Variants in PFKM observed in about 807,000 individuals in gnomAD.
The protein encoded by PFKM is ATP-dependent 6-phosphofructokinase, muscle type.
In PFKM, 58 loss-of-function variants were observed where a neutral mutation model predicts 95.5. The ratio of observed to expected loss-of-function variants is 0.61; its 90% CI spans 0.49 to 0.76. The LOEUF is 0.76. Ranked by LOEUF, PFKM falls within the 30% of genes least tolerant of loss-of-function variation. The pLI is 0.00. For missense variants in PFKM, 678 were observed against 1,005.4 expected (o/e 0.67, Z 4.40); for synonymous variants, 336 against 357.2 (o/e 0.94, Z 0.67).
intron 1 of PFKM, among the ~76,000 whole-genome samples, chr12:48,121,109 T>G (rs576469415): frequency 4.9e-4 from 74 of 152,250 alleles, no homozygotes; most frequent in African/African-American, 1.8e-3. Flanking sequence ...CAACATGTGG[T>G]TAGAGGAAGT....
rs1951005657 is a variant in PFKM at position 48,145,869 on chromosome 12, C to CA, written c.*162dup. 6 of 714,706 alleles carry CA rather than the reference C, an allele frequency of 8.4e-6. No homozygotes were observed. Among genetic ancestry groups the CA allele is most frequent in the Non-Finnish European group, 1.2e-5 (5 of 422,972 alleles). The allele number at this position is 714,706 out of a possible 1,614,324, so 44.3% of individuals were successfully genotyped here. A position where few individuals can be genotyped will look rare whatever the true frequency, so the allele number is the denominator to read the frequency against. On this transcript the variant is annotated 3_prime_UTR_variant, in exon 23 of 23. Coordinates refer to ENST00000359794, the MANE Select transcript of PFKM (RefSeq NM_000289.6). This position sits in a 1 kb window ranked among gnomAD's most constrained non-coding sequence, Gnocchi z 4.3. ...TCTGGCCAGGAGCTGGAGGAGCAGG[C>CA]AGTGGGTGGGAGCTCCTTTTAGGTA... is the stretch of plus-strand genomic sequence containing the variant.
At chr12:48,140,934 C>T (rs1950530491) in intron 14 of PFKM, 63 bp downstream of exon 14, 2 of 1,559,014 alleles carry the variant, frequency 1.3e-6, no homozygotes, top group African/African-American at 1.4e-5. Flanking sequence ...CAAGAATGAC[C>T]TGTCCATTCT....
chr12:48,142,237 C>T, intron 17 of PFKM, 171 bp downstream of exon 17: 1 of 715,468 alleles, frequency 1.4e-6, no homozygotes, highest in Admixed American at 2.1e-5. Flanking sequence ...CTTTGGGAGG[C>T]CAAGGCAGGC....
intron 17 of PFKM, chr12:48,142,336 G>C (rs1423941136): frequency 6.4e-6 from 3 of 472,326 alleles, no homozygotes; most frequent in Middle Eastern, 6.2e-4. Flanking sequence ...AGCTGGGTGT[G>C]GTGGTAGGCG....
rs1405236956 is a variant in PFKM at position 48,144,177 on chromosome 12, C to CA, written c.1992+21dup. ...CAGCAGGTAGGGAAGACACCGTAGT[C>CA]ATGCCCTTCATCAGACAGCCATACC... On this transcript the variant is annotated intron_variant, in intron 20 of 22. Coordinates refer to ENST00000359794, the MANE Select transcript of PFKM (RefSeq NM_000289.6). 6.7e-7 allele frequency: 1 copy of CA among 1,487,668 alleles called. No homozygotes were observed. The highest frequency in any genetic ancestry group is 9.4e-7 in the Non-Finnish European group (1 of 1,067,748). 92.2% of individuals were successfully genotyped at this position (1,487,668 alleles called of 1,614,324 possible).
intron 1 of PFKM, among the ~76,000 whole-genome samples, chr12:48,120,374 A>G (rs1309210530): frequency 1.3e-5 from 2 of 152,162 alleles, no homozygotes; most frequent in Non-Finnish European, 2.9e-5. Flanking sequence ...AACGTTTTCA[A>G]CAAGTATTTA....
At chr12:48,143,670 TG>T in intron 18 of PFKM, 82 bp from the exon 19 acceptor site, 1 of 960,884 alleles carries the variant, frequency 1.0e-6, no homozygotes, top group Non-Finnish European at 1.7e-6. Flanking sequence ...TCTTCCTTCC[TG>T]GAGAGGTGTG....
At chr12:48,108,255 A>T (rs910137038) in intron 3 of PFKM, 2 of 1,513,686 alleles carry the variant, frequency 1.3e-6, no homozygotes, top group African/African-American at 2.7e-5. Flanking sequence ...TGAAAGTTGT[A>T]TGCATAGTAT....
chr12:48,126,230 G>C (rs752201497), intron 2 of PFKM, among the ~76,000 whole-genome samples: 1 of 152,168 alleles, frequency 6.6e-6, no homozygotes, highest in South Asian at 2.1e-4. Context: ...ACTCTGGCCA[G>C]GACTGGCTTG....
intron 11 of PFKM, among the ~76,000 whole-genome samples, chr12:48,138,617 A>C (rs1311512389): frequency 2.6e-5 from 4 of 152,214 alleles, no homozygotes; most frequent in Non-Finnish European, 4.4e-5. Context: ...ACACAGCAGG[A>C]ATCAGTCCTT....
chr12:48,139,427 C>A, intron 12 of PFKM, 78 bp downstream of exon 12: 1 of 1,091,576 alleles, frequency 9.2e-7, no homozygotes, highest in Non-Finnish European at 1.4e-6. Context: ...TGGCTCCAGG[C>A]CCAAAACATG....
At chr12:48,118,626 CT>C, upstream of PFKM, 3 of 1,013,004 alleles carry the variant, frequency 3.0e-6, no homozygotes, top group Non-Finnish European at 4.5e-6. Flanking sequence ...GCATCTGACC[CT>C]TTTTCCAGAG....
At chr12:48,128,269 C>T (rs747903490) in intron 2 of PFKM, among the ~76,000 whole-genome samples, 29 of 152,110 alleles carry the variant, frequency 1.9e-4, no homozygotes, top group Non-Finnish European at 3.2e-4. Flanking sequence ...GTCTCTCTCT[C>T]TCTCTCTCTC....
intron 3 of PFKM, among the ~76,000 whole-genome samples, chr12:48,112,096 C>T (rs1274179067): frequency 2.0e-5 from 3 of 152,084 alleles, no homozygotes; most frequent in African/African-American, 4.8e-5. Context: ...GTAAGAACTC[C>T]GACTGCACGG....
chr12:48,108,272 T>C, intron 3 of PFKM: 2 of 1,400,664 alleles, frequency 1.4e-6, no homozygotes, highest in Non-Finnish European at 9.8e-7. Context: ...GTATTATAAA[T>C]CAGCGTAGAC....
At chr12:48,131,989 T>C (rs1294631717) in intron 4 of PFKM, 3 of 455,854 alleles carry the variant, frequency 6.6e-6, no homozygotes, top group African/African-American at 6.0e-5. Context: ...TGAAAATTTG[T>C]AAATTACATT....
intron 13 of PFKM, 151 bp from the exon 14 acceptor site, chr12:48,140,571 C>A: frequency 1.2e-6 from 1 of 808,810 alleles, no homozygotes. Flanking sequence ...GCTGGCATTC[C>A]TTGGGAGAGG....
upstream of PFKM, chr12:48,118,510 C>G (rs751727676): frequency 7.9e-6 from 12 of 1,520,192 alleles, no homozygotes; most frequent in African/African-American, 1.6e-4. Flanking sequence ...TACAAGTAAG[C>G]AAGAGGAAGA....
intron 5 of PFKM, 47 bp downstream of exon 5, chr12:48,133,104 C>T (rs1480336804): frequency 6.5e-7 from 1 of 1,528,364 alleles, no homozygotes; most frequent in Non-Finnish European, 9.1e-7. Context: ...TCGGTACGTG[C>T]ACGCGTGTAC....
Sources: gnomAD v4.1 joint callset for allele counts (sites outside exome capture counted in the v4.1 genomes callset) on GRCh38, gnomAD v4.1.1 for gene constraint, Gnocchi (gnomAD v3.1) non-coding constraint, MANE v1.5 for transcripts, NCBI Gene and HGNC (gene_info 2026-07-23, HGNC 2026-07-21) for gene names.